The following ANKRD36 variants were observed in gnomAD, a reference collection of about 807,000 sequenced individuals.
ANKRD36 encodes ankyrin repeat domain 36, also known as ankyrin repeat domain-containing protein 36A.
A neutral mutation model predicts 278.1 loss-of-function variants in ANKRD36; 179 were observed. The ratio of observed to expected loss-of-function variants is 0.64; its 90% CI spans 0.57 to 0.73. The LOEUF (loss-of-function observed/expected upper bound fraction) is 0.73, where lower values mean the gene tolerates loss of function less well. Ranked by LOEUF, ANKRD36 falls within the 30% of genes least tolerant of loss-of-function variation. ANKRD36 has a pLI of 0.00. For missense variants in ANKRD36, 1,159 were observed against 1,956.7 expected (o/e 0.59, Z 7.69); for synonymous variants, 320 against 641.1 (o/e 0.50, Z 7.57).
intron 53 of ANKRD36, 47 bp downstream of exon 53, chr2:97,207,886 AT>A: frequency 6.5e-7 from 1 of 1,542,176 alleles, no homozygotes; most frequent in Non-Finnish European, 8.8e-7. Context: ...TGTATAGTCT[AT>A]GAAACATACT....
chr2:97,194,902 G>C lies in ANKRD36; in HGVS notation c.2536G>C (p.Glu846Gln). ...TATAACCAGAGGAAAAAAGGATGGAGAAATATCTAGGAAAGGTAATTTTGC... is the reference window on the plus strand; with the variant it reads ...TATAACCAGAGGAAAAAAGGATGGACAAATATCTAGGAAAGGTAATTTTGC... ...SNITRGKKDG[E>Q]ISRKVSSQKP... The change falls in exon 40 of 76, where the codon GAA becomes CAA. Residue 846 changes from glutamate (E) to glutamine (Q), a missense_variant. Transcript: ENST00000420699. The C allele has an allele frequency of 6.4e-7, 1 of 1,555,670 alleles. No homozygotes were observed. Among genetic ancestry groups the C allele is most frequent in the South Asian group, 1.2e-5 (1 of 84,758 alleles).
At chr2:97,178,251 A>G (rs1575396484) in intron 22 of ANKRD36, among the ~76,000 whole-genome samples, 1 of 152,054 alleles carries the variant, frequency 6.6e-6, no homozygotes, top group East Asian at 1.9e-4. Flanking sequence ...TAGTTCAACC[A>G]TTGTGGAAGT....
At position 97,216,433 on chromosome 2, in the gene ANKRD36, G is replaced by A. The variant is rs371560948; in HGVS notation, c.3674-744G>A. Among the ~76,000 whole-genome samples the A allele has an allele frequency of 3.1e-4, 47 of 152,144 alleles. 10 individuals are homozygous for A. The highest frequency in any genetic ancestry group is 6.6e-4 in the Admixed American group (10 of 15,266). ...AATGTAAAACATATTAATATCTAACGCTTGTAGCAGTTTTACTTTGTAGAA... is the reference window on the plus strand; with the variant it reads ...AATGTAAAACATATTAATATCTAACACTTGTAGCAGTTTTACTTTGTAGAA... On this transcript the variant is annotated intron_variant, in intron 62 of 75. Transcript: ENST00000420699.
Position 97,124,668 on chromosome 2 carries a change from A to T in ANKRD36, c.731+71A>T. The T allele has an allele frequency of 2.7e-6, 4 of 1,478,082 alleles. No homozygotes were observed. The Admixed American group carries it at 1.0e-4, about 37-fold the overall frequency. 91.6% of individuals were successfully genotyped at this position (1,478,082 alleles called of 1,614,324 possible). A position where few individuals can be genotyped will look rare whatever the true frequency, so the allele number is the denominator to read the frequency against. On this transcript the variant is annotated intron_variant, in intron 5 of 75. Transcript: ENST00000420699. ...AAAATAATTGTAACAATTGCATCTT[A>T]TATATCAGGTGAGATTTCATAGTTT...
chr2:97,256,102 TC>T (rs2076170250), intron 75 of ANKRD36, among the ~76,000 whole-genome samples: 1 of 144,638 alleles, frequency 6.9e-6, no homozygotes, highest in Non-Finnish European at 1.5e-5. Flanking sequence ...ACACCTGTAA[TC>T]CTAGCACTTT....
At chr2:97,198,053 T>C (rs1422426298) in intron 42 of ANKRD36, among the ~76,000 whole-genome samples, 2 of 151,898 alleles carry the variant, frequency 1.3e-5, no homozygotes, top group South Asian at 2.1e-4. Context: ...TGAATGTTTG[T>C]AGTATAATGG....
chr2:97,205,827 A>G lies in ANKRD36; in HGVS notation c.3062-113A>G, dbSNP rs200079890. 4.4e-6 allele frequency: 6 copies of G among 1,363,050 alleles called. No homozygotes were observed. The Admixed American group carries it at 6.0e-5, about 14-fold the overall frequency. The allele number at this position is 1,363,050 out of a possible 1,614,324, so 84.4% of individuals were successfully genotyped here. A position where few individuals can be genotyped will look rare whatever the true frequency, so the allele number is the denominator to read the frequency against. ...CCAGACACAAAGTAGAAGCCATCAAAGCCTATGCTAATACAGGCAGGAGGA... is the reference window on the plus strand; with the variant it reads ...CCAGACACAAAGTAGAAGCCATCAAGGCCTATGCTAATACAGGCAGGAGGA... On this transcript the variant is annotated intron_variant, in intron 50 of 75. Coordinates refer to ENST00000420699, the MANE Select transcript of ANKRD36 (RefSeq NM_001354587.1).
intron 8 of ANKRD36, 124 bp downstream of exon 8, chr2:97,142,959 CT>C (rs1158095642): frequency 3.9e-6 from 5 of 1,285,040 alleles, no homozygotes; most frequent in Non-Finnish European, 4.2e-6. Context: ...TGAGATTCTG[CT>C]TTTGTGATAA....
chr2:97,154,321 A>T (rs1350763223), intron 14 of ANKRD36, among the ~76,000 whole-genome samples: 1 of 149,420 alleles, frequency 6.7e-6, no homozygotes, highest in African/African-American at 2.4e-5. Context: ...GTCAGATATC[A>T]ATTGGATTTT....
At chr2:97,120,572 A>C (rs1390603247) in intron 3 of ANKRD36, among the ~76,000 whole-genome samples, 2 of 151,672 alleles carry the variant, frequency 1.3e-5, no homozygotes, top group Admixed American at 1.3e-4. Context: ...TTTGGTGAAC[A>C]ATCTGGGAAA....
intron 16 of ANKRD36, 82 bp from the exon 17 acceptor site, chr2:97,158,506 T>C: frequency 6.9e-7 from 1 of 1,446,636 alleles, no homozygotes; most frequent in Non-Finnish European, 9.3e-7. Flanking sequence ...GGATTAAAGC[T>C]GTGAGCCCCC....
chr2:97,215,861 T>A (rs997192935), intron 62 of ANKRD36: 3 of 566,084 alleles, frequency 5.3e-6, no homozygotes, highest in Admixed American at 6.4e-5. Context: ...CATATTGTTA[T>A]AAACAGAGGG....
At chr2:97,180,118 A>G (rs1343288878) in intron 24 of ANKRD36, among the ~76,000 whole-genome samples, 185 bp downstream of exon 24, 1 of 151,612 alleles carries the variant, frequency 6.6e-6, no homozygotes, top group African/African-American at 2.4e-5. Flanking sequence ...TGATCTGAGT[A>G]GTAAGATTGT....
intron 8 of ANKRD36, 115 bp from the exon 9 acceptor site, chr2:97,144,403 A>G: frequency 1.4e-6 from 2 of 1,440,612 alleles, no homozygotes; most frequent in South Asian, 1.2e-5. Context: ...AGAAAACATC[A>G]AAGCCTATGC....
chr2:97,115,646 A>G (rs2924071), intron 1 of ANKRD36, among the ~76,000 whole-genome samples: 2 of 104 alleles, frequency 0.019, no homozygotes, highest in South Asian at 0.5. Flanking sequence ...ATGAAATACT[A>G]TTTTCTATCA....
intron 30 of ANKRD36, 117 bp from the exon 31 acceptor site, chr2:97,187,081 A>T (rs940945770): frequency 1.3e-6 from 2 of 1,523,288 alleles, no homozygotes; most frequent in African/African-American, 2.8e-5. Context: ...AGTAGAAAAC[A>T]TCAAAGCCTA....
intron 28 of ANKRD36, 76 bp from the exon 29 acceptor site, chr2:97,185,240 G>A (rs759338475): frequency 6.5e-7 from 1 of 1,550,374 alleles, no homozygotes; most frequent in Non-Finnish European, 8.9e-7. Context: ...ACAGCTTGAT[G>A]CTAACACTTC....
intron 28 of ANKRD36, among the ~76,000 whole-genome samples, chr2:97,184,031 G>A (rs888637782): frequency 6.6e-6 from 1 of 151,652 alleles, no homozygotes; most frequent in Non-Finnish European, 1.5e-5. Context: ...ACCAGAGGGA[G>A]GAAGTTGTCA....
At chr2:97,244,247 A>G (rs1037782460) in intron 70 of ANKRD36, among the ~76,000 whole-genome samples, 3 of 145,482 alleles carry the variant, frequency 2.1e-5, no homozygotes, top group African/African-American at 7.3e-5. Flanking sequence ...CTATTCTACA[A>G]TATATACTTA....
Sources: allele counts gnomAD v4.1 joint callset (sites outside exome capture counted in the v4.1 genomes callset), GRCh38; gene constraint gnomAD v4.1.1; transcripts MANE v1.5; gene names NCBI Gene and HGNC (gene_info 2026-07-23, HGNC 2026-07-21).